TIAM2: variants seen among roughly 807,000 people sequenced by gnomAD.
TIAM2 encodes rho guanine nucleotide exchange factor TIAM2.
In TIAM2, 80 loss-of-function variants were observed where a neutral mutation model predicts 152.9. The ratio of observed to expected loss-of-function variants is 0.52; its 90% CI spans 0.44 to 0.63. The LOEUF (loss-of-function observed/expected upper bound fraction) is 0.63. TIAM2 is among the 30% of genes least tolerant of loss of function. The pLI is 0.00. For synonymous variants in TIAM2, 804 were observed against 838.0 expected (o/e 0.96, Z 0.70); for missense variants, 1,965 against 2,120.1 (o/e 0.93, Z 1.44).
chr6:155,034,872 A>G (rs1266761059), intron 1 of TIAM2, among the ~76,000 whole-genome samples: 1 of 152,204 alleles, frequency 6.6e-6, no homozygotes, highest in Non-Finnish European at 1.5e-5. Flanking sequence ...GTTTTCAAAG[A>G]TCCTGTTTAT....
Position 155,182,316 on chromosome 6 carries a change from A to G in TIAM2, c.2798A>G (p.Glu933Gly). ...DVLPDGLAYG[E>G]GLRKGNEIMT... ...CTTCCCGATGGCCTGGCGTATGGGG[A>G]AGGTCCGTGTGGCACACCGTGCCCC... The change falls in exon 13 of 27, where the codon GAA (glutamate) becomes GGA (glycine). Residue 933 changes from glutamate to glycine, a missense_variant and splice_region_variant. Glu to Gly is a moderately conservative substitution (Grantham distance 98, BLOSUM62 -2). This residue lies in a region of TIAM2 where 935 missense variants were observed against 980.0 expected (regional missense o/e 0.95). Transcript: ENST00000682666. 6.2e-7 allele frequency: 1 copy of G among 1,613,856 alleles called. No homozygotes were observed. Among genetic ancestry groups the G allele is most frequent in the South Asian group, 1.1e-5 (1 of 91,072 alleles).
intron 15 of TIAM2, among the ~76,000 whole-genome samples, chr6:155,217,460 A>G (rs1413754067): frequency 6.6e-6 from 1 of 152,260 alleles, no homozygotes; most frequent in Non-Finnish European, 1.5e-5. Flanking sequence ...GACAGGGAGG[A>G]ATAATTTGAA....
chr6:155,078,355 C>T (rs878875248), intron 1 of TIAM2, among the ~76,000 whole-genome samples: 6 of 152,128 alleles, frequency 3.9e-5, no homozygotes, highest in Non-Finnish European at 8.8e-5. Flanking sequence ...CTCGAGTTCA[C>T]TTTAATGAAA....
chr6:155,104,584 C>A (rs367615390), intron 2 of TIAM2, among the ~76,000 whole-genome samples: 1 of 151,846 alleles, frequency 6.6e-6, no homozygotes. Flanking sequence ...AGTGAAACCC[C>A]GTCTCTACTA....
chr6:155,248,269 C>A lies in TIAM2; in HGVS notation c.3832+90C>A, dbSNP rs1482562434. On this transcript the variant is annotated intron_variant, in intron 20 of 26. Coordinates refer to ENST00000682666, the MANE Select transcript of TIAM2 (RefSeq NM_012454.4). ...CCCTGGGCCTGACAGCTCACCTCTT[C>A]CCCGCCTAGTGGCACGTCCTAAGTC... The A allele has an allele frequency of 1.5e-5, 22 of 1,424,788 alleles. No individual in the cohort carries two copies. In the Admixed American group the frequency reaches 4.6e-4, roughly 30 times the overall value. The allele number at this position is 1,424,788 out of a possible 1,614,324, so 88.3% of individuals were successfully genotyped here.
Position 155,129,241 on chromosome 6 carries a change from T to G in TIAM2, c.18T>G (p.Ser6Arg). The change falls in exon 4 of 27, where the codon AGT (serine) becomes AGG (arginine). Residue 6 changes from serine to arginine, a missense_variant. Physicochemically the swap from Ser to Arg is moderately radical, Grantham distance 110 (BLOSUM62 -1). Coordinates refer to ENST00000682666, the MANE Select transcript of TIAM2 (RefSeq NM_012454.4). This position sits in a 1 kb window ranked among gnomAD's most constrained non-coding sequence, Gnocchi z 4.8. MGNSD[S>R]QYTLQGSKNH... Reference sequence around the variant, plus strand: ...AGGTTAAAATGGGCAACTCCGACAGTCAGTACACCCTTCAAGGATCTAAAA... The same window carrying G: ...AGGTTAAAATGGGCAACTCCGACAGGCAGTACACCCTTCAAGGATCTAAAA... 6.2e-7 allele frequency: 1 copy of G among 1,613,516 alleles called. No individual in the cohort carries two copies. Among genetic ancestry groups the G allele is most frequent in the Non-Finnish European group, 8.5e-7 (1 of 1,179,466 alleles).
At chr6:155,075,922 A>G (rs1435426032) in intron 1 of TIAM2, among the ~76,000 whole-genome samples, 3 of 152,206 alleles carry the variant, frequency 2.0e-5, no homozygotes, top group African/African-American at 4.8e-5. Context: ...ATGACATACT[A>G]TCAATACACT....
At chr6:155,057,022 T>C (rs1777467178) in intron 1 of TIAM2, among the ~76,000 whole-genome samples, 1 of 119,948 alleles carries the variant, frequency 8.3e-6, no homozygotes, top group Admixed American at 9.1e-5. Context: ...TCTTTCTTTT[T>C]TTTTTTTTTT....
At chr6:155,099,218 ATATG>A (rs57190765) in intron 2 of TIAM2, among the ~76,000 whole-genome samples, 1,665 of 57,644 alleles carry the variant, frequency 0.029, 29 homozygotes, top group African/African-American at 0.088. Flanking sequence ...GTGTATATAT[ATATG>A]TGTGTGTGTG....
At chr6:155,099,256 GTGTGTA>G (rs1274081645) in intron 2 of TIAM2, among the ~76,000 whole-genome samples, 1 of 133,098 alleles carries the variant, frequency 7.5e-6, no homozygotes, top group Non-Finnish European at 1.6e-5. Context: ...GTGTGTGTGT[GTGTGTA>G]ATAAAATATC....
At chr6:155,132,817 A>T (rs1424214153) in intron 4 of TIAM2, among the ~76,000 whole-genome samples, 1 of 152,162 alleles carries the variant, frequency 6.6e-6, no homozygotes, top group East Asian at 1.9e-4. Flanking sequence ...TTTGTTGCTC[A>T]TCTGTATATG....
chr6:155,047,652 A>G (rs1479955992), intron 1 of TIAM2, among the ~76,000 whole-genome samples: 3 of 112,632 alleles, frequency 2.7e-5, no homozygotes, highest in African/African-American at 1.0e-4. Flanking sequence ...GGGTGGGGGG[A>G]GAGAGAGAGA....
intron 1 of TIAM2, among the ~76,000 whole-genome samples, chr6:155,073,669 GA>G (rs924130111): frequency 2.7e-5 from 4 of 148,146 alleles, no homozygotes; most frequent in East Asian, 2.0e-4. Flanking sequence ...CAGCTGAGAA[GA>G]AAAAAAAAAG....
intron 1 of TIAM2, among the ~76,000 whole-genome samples, chr6:155,023,386 T>G (rs1776537410): frequency 1.3e-5 from 2 of 152,214 alleles, no homozygotes; most frequent in South Asian, 2.1e-4. Flanking sequence ...GTGTTCTTAT[T>G]AAACTTTGCA....
chr6:155,189,727 G>GA (rs566281855), intron 14 of TIAM2, among the ~76,000 whole-genome samples: 12 of 149,636 alleles, frequency 8.0e-5, no homozygotes, highest in Admixed American at 1.3e-4. Flanking sequence ...TGGCTCCAAA[G>GA]AAAAAAAAAA....
chr6:155,102,596 C>T (rs1432033472), intron 2 of TIAM2, among the ~76,000 whole-genome samples: 1 of 152,096 alleles, frequency 6.6e-6, no homozygotes, highest in Non-Finnish European at 1.5e-5. Flanking sequence ...TTATATTCTC[C>T]AGCTCTTCTC....
rs1281878602 is a variant in TIAM2, at chr6:155,130,429, T to C, written c.1194+12T>C. The C allele has an allele frequency of 6.2e-7, 1 of 1,606,460 alleles. No homozygotes were observed. The highest frequency in any genetic ancestry group is 2.2e-5 in the East Asian group (1 of 44,830). ...AAAGGAAACTCCAGGTGAGCATACC[T>C]TAGAGCAGAGGGAAGGGTCCCCACA... On this transcript the variant is annotated intron_variant, in intron 4 of 26. Coordinates refer to ENST00000682666, the MANE Select transcript of TIAM2 (RefSeq NM_012454.4).
chr6:155,110,318 C>CTTTTCTTTTT (rs1254574468), intron 2 of TIAM2, among the ~76,000 whole-genome samples: 1 of 133,800 alleles, frequency 7.5e-6, no homozygotes, highest in Non-Finnish European at 1.6e-5. Context: ...TCTTTCTTTT[C>CTTTTCTTTTT]TTTTTTTTTT....
chr6:155,202,827 T>C (rs564553087), intron 14 of TIAM2, among the ~76,000 whole-genome samples: 374 of 148,130 alleles, frequency 2.5e-3, no homozygotes, highest in Non-Finnish European at 3.7e-3. Flanking sequence ...CACTCGAGGT[T>C]AGGAGTTTGA....
Sources: allele counts gnomAD v4.1 joint callset (sites outside exome capture counted in the v4.1 genomes callset), GRCh38; gene constraint gnomAD v4.1.1; regional missense constraint gnomAD v4.1.1; non-coding constraint Gnocchi (gnomAD v3.1); transcripts MANE v1.5; gene names NCBI Gene and HGNC (gene_info 2026-07-23, HGNC 2026-07-21).